Variants in PDE3B observed in about 807,000 individuals in gnomAD.
PDE3B encodes the protein cGMP-inhibited 3',5'-cyclic phosphodiesterase 3B.
A neutral mutation model predicts 116.8 loss-of-function variants in PDE3B; 66 were observed. The observed-to-expected ratio is 0.56, with a 90% CI of 0.46 to 0.69. The LOEUF (loss-of-function observed/expected upper bound fraction) is 0.69. PDE3B is among the 30% of genes least tolerant of loss of function. The pLI is 0.00. For missense variants in PDE3B, 1,384 were observed against 1,368.1 expected, an observed-to-expected ratio of 1.01 and a Z score of -0.18; for synonymous variants, 595 against 533.6, an observed-to-expected ratio of 1.12 and a Z score of -1.59.
chr11:14,653,895 G>A (rs546365709), intron 1 of PDE3B, among the ~76,000 whole-genome samples: 12 of 152,162 alleles, frequency 7.9e-5, no homozygotes, highest in African/African-American at 2.9e-4. Flanking sequence ...CTACCTGGGA[G>A]GCTAATGTGG....
At chr11:14,857,457 C>A (rs1847872212) in intron 12 of PDE3B, among the ~76,000 whole-genome samples, 1 of 152,204 alleles carries the variant, frequency 6.6e-6, no homozygotes, top group African/African-American at 2.4e-5. Flanking sequence ...GCCTCCCACT[C>A]ATCTTTGAGC....
At chr11:14,670,871 G>A (rs1022236484) in intron 1 of PDE3B, among the ~76,000 whole-genome samples, 10 of 151,262 alleles carry the variant, frequency 6.6e-5, no homozygotes, top group Middle Eastern at 3.4e-3. Flanking sequence ...TTAATGATAC[G>A]TATAATTTTT....
At chr11:14,731,395 A>G (rs949165243) in intron 1 of PDE3B, among the ~76,000 whole-genome samples, 1 of 151,408 alleles carries the variant, frequency 6.6e-6, no homozygotes, top group African/African-American at 2.4e-5. Context: ...AGTAGCTGGG[A>G]CTGCAGGTGC....
At chr11:14,837,744 G>T (rs890854170) in intron 11 of PDE3B, among the ~76,000 whole-genome samples, 2 of 152,146 alleles carry the variant, frequency 1.3e-5, no homozygotes, top group Non-Finnish European at 2.9e-5. Flanking sequence ...ATGGAGCCAA[G>T]TATCTGTAGA....
At chr11:14,650,325 T>C (rs1351652092) in intron 1 of PDE3B, among the ~76,000 whole-genome samples, 2 of 151,674 alleles carry the variant, frequency 1.3e-5, no homozygotes, top group Non-Finnish European at 2.9e-5. Context: ...CACCTCAGCC[T>C]CCTGACTAGG....
In PDE3B at chr11:14,772,461, G is replaced by A. The variant is rs531624531; in HGVS notation, c.1029+474G>A. Reference sequence around the variant, plus strand: ...CAAATTATAACATACATGCAGGAAAGTGTACAGCTCAATTTTCAGAAGTTA... The same window carrying A: ...CAAATTATAACATACATGCAGGAAAATGTACAGCTCAATTTTCAGAAGTTA... On this transcript the variant is annotated intron_variant, in intron 2 of 15. Transcript: ENST00000282096. 38 of 152,560 alleles carry A rather than the reference G, an allele frequency of 2.5e-4. No homozygotes were observed. In the South Asian group the frequency reaches 6.0e-3, roughly 24 times the overall value. The allele number at this position is 152,560 out of a possible 1,614,324, so 9.5% of individuals were successfully genotyped here.
At chr11:14,800,606 A>C (rs564318453) in intron 4 of PDE3B, among the ~76,000 whole-genome samples, 1 of 151,936 alleles carries the variant, frequency 6.6e-6, no homozygotes. Flanking sequence ...CTTCATTTCA[A>C]CTTCGGTGAA....
chr11:14,830,931 G>C (rs1859865783), intron 8 of PDE3B, 85 bp downstream of exon 8: 1 of 877,484 alleles, frequency 1.1e-6, no homozygotes, highest in Non-Finnish European at 1.6e-6. Context: ...CCCAGAACAA[G>C]ATTTTTAATA....
intron 2 of PDE3B, among the ~76,000 whole-genome samples, chr11:14,776,866 C>T (rs1590134657): frequency 1.3e-5 from 2 of 151,804 alleles, no homozygotes; most frequent in Admixed American, 1.3e-4. Context: ...AATAAAAAAT[C>T]ACCCATCATA....
chr11:14,888,073 C>T, the PDE3B span, among the ~76,000 whole-genome samples: 1 of 152,146 alleles, frequency 6.6e-6, no homozygotes, highest in African/African-American at 2.4e-5. Flanking sequence ...TTTCCTTTGT[C>T]TTTGTTCAGA....
intron 4 of PDE3B, among the ~76,000 whole-genome samples, chr11:14,796,235 G>A (rs1204202171): frequency 1.3e-5 from 2 of 152,118 alleles, no homozygotes; most frequent in Admixed American, 1.3e-4. Flanking sequence ...GTAGTATTCC[G>A]TGGTGTGTAT....
At chr11:14,840,147 C>G (rs1271974463) in intron 11 of PDE3B, among the ~76,000 whole-genome samples, 1 of 152,178 alleles carries the variant, frequency 6.6e-6, no homozygotes, top group African/African-American at 2.4e-5. Context: ...TTCCATCTGA[C>G]TGCCAAAAGA....
chr11:14,847,599 C>G (rs1023453220), intron 12 of PDE3B, among the ~76,000 whole-genome samples: 51 of 151,702 alleles, frequency 3.4e-4, no homozygotes, highest in Non-Finnish European at 5.6e-4. Context: ...GCTAGCAAGA[C>G]TAATAAAGAA....
rs529981517 is a variant in PDE3B at position 14,871,794 on chromosome 11, G to T, written c.*2134G>T. On this transcript the variant is annotated 3_prime_UTR_variant, in exon 16 of 16. Transcript: ENST00000282096. ...CTCCCGAGCTGAAACTTAAAAATTCGTAAGTGTAAGAAAGAATGTGAGAAT... is the reference window on the plus strand; with the variant it reads ...CTCCCGAGCTGAAACTTAAAAATTCTTAAGTGTAAGAAAGAATGTGAGAAT... The T allele has an allele frequency of 6.6e-6, 1 of 152,218 alleles. No individual in the cohort carries two copies. The highest frequency in any genetic ancestry group is 2.1e-4 in the South Asian group (1 of 4,830). 9.4% of individuals were successfully genotyped at this position (152,218 alleles called of 1,614,324 possible).
intron 1 of PDE3B, among the ~76,000 whole-genome samples, chr11:14,763,433 C>G (rs2133889649): frequency 6.6e-6 from 1 of 152,134 alleles, no homozygotes; most frequent in East Asian, 1.9e-4. Flanking sequence ...AAAGACAACT[C>G]TTTTGAAGAA....
At chr11:14,686,968 C>T (rs1854896952) in intron 1 of PDE3B, among the ~76,000 whole-genome samples, 1 of 152,152 alleles carries the variant, frequency 6.6e-6, no homozygotes, top group South Asian at 2.1e-4. Flanking sequence ...CTGCCTCGGC[C>T]TTCCAAAGTG....
At chr11:14,813,591 T>C (rs1188143403) in intron 5 of PDE3B, among the ~76,000 whole-genome samples, 1 of 152,210 alleles carries the variant, frequency 6.6e-6, no homozygotes, top group African/African-American at 2.4e-5. Context: ...ATCTCAAGGT[T>C]AGCTGATCAG....
chr11:14,716,119 G>T (rs903987364), intron 1 of PDE3B, among the ~76,000 whole-genome samples: 1 of 152,144 alleles, frequency 6.6e-6, no homozygotes, highest in Non-Finnish European at 1.5e-5. Context: ...AAGCGCAAGG[G>T]GTCAGGGAGT....
chr11:14,698,521 T>C (rs924695474), intron 1 of PDE3B, among the ~76,000 whole-genome samples: 27 of 151,894 alleles, frequency 1.8e-4, no homozygotes, highest in Non-Finnish European at 3.7e-4. Flanking sequence ...TGCTAAATTA[T>C]CATTTTTATT....
Sources: gnomAD v4.1 joint callset for allele counts (sites outside exome capture counted in the v4.1 genomes callset) on GRCh38, gnomAD v4.1.1 for gene constraint, MANE v1.5 for transcripts, NCBI Gene and HGNC (gene_info 2026-07-23, HGNC 2026-07-21) for gene names.